Variants in PDE7A observed in about 807,000 individuals in gnomAD.
The protein encoded by PDE7A is high affinity 3',5'-cyclic-AMP phosphodiesterase 7A.
Under a neutral mutation model 64.3 loss-of-function variants are expected in PDE7A, and 39 were observed. The observed-to-expected ratio is 0.61, with a 90% CI of 0.47 to 0.79. The LOEUF is 0.79. Ranked by LOEUF, PDE7A falls within the 30% of genes least tolerant of loss-of-function variation. PDE7A has a pLI of 0.00. For synonymous variants in PDE7A, 203 were observed against 206.8 expected (o/e 0.98, Z 0.16); for missense variants, 470 against 582.8 (o/e 0.81, Z 1.99).
chr8:65,734,046 A>G (rs917815757), intron 7 of PDE7A, among the ~76,000 whole-genome samples: 3 of 152,210 alleles, frequency 2.0e-5, no homozygotes, highest in Non-Finnish European at 4.4e-5. Context: ...TTTCTCTTCT[A>G]TACTTCAGAC....
At chr8:65,840,049 CCTT>C (rs1811042031) in intron 1 of PDE7A, among the ~76,000 whole-genome samples, 1 of 152,114 alleles carries the variant, frequency 6.6e-6, no homozygotes, top group South Asian at 2.1e-4. Context: ...CTATTAAAAA[CCTT>C]CTTCAGCAGT....
At chr8:65,737,259 T>C (rs1807179460) in intron 6 of PDE7A, among the ~76,000 whole-genome samples, 1 of 152,088 alleles carries the variant, frequency 6.6e-6, no homozygotes, top group African/African-American at 2.4e-5. Context: ...AATTCTCTCA[T>C]AAACCTGTTC....
At chr8:65,758,085 A>G (rs965247788) in intron 3 of PDE7A, among the ~76,000 whole-genome samples, 3 of 152,166 alleles carry the variant, frequency 2.0e-5, no homozygotes, top group African/African-American at 7.2e-5. Flanking sequence ...GCTAGTCCAG[A>G]TTGCTGGTTG....
chr8:65,805,079 A>G (rs1384071110), intron 1 of PDE7A, among the ~76,000 whole-genome samples: 1 of 152,118 alleles, frequency 6.6e-6, no homozygotes, highest in Non-Finnish European at 1.5e-5. Flanking sequence ...CCTGGACTCA[A>G]GCAATCCTCC....
At chr8:65,810,603 A>G (rs1310538710) in intron 1 of PDE7A, among the ~76,000 whole-genome samples, 3 of 152,186 alleles carry the variant, frequency 2.0e-5, no homozygotes, top group Non-Finnish European at 4.4e-5. Context: ...TTAACCAAGT[A>G]AAAATCATCC....
intron 1 of PDE7A, among the ~76,000 whole-genome samples, chr8:65,821,909 CAT>C (rs1189151057): frequency 4.3e-4 from 66 of 152,212 alleles, no homozygotes; most frequent in African/African-American, 1.5e-3. Context: ...TAAAATTACA[CAT>C]GTGGCTCACA....
chr8:65,749,450 T>C (rs1807833153), intron 3 of PDE7A, among the ~76,000 whole-genome samples: 1 of 152,188 alleles, frequency 6.6e-6, no homozygotes, highest in Non-Finnish European at 1.5e-5. Flanking sequence ...TCTAAAACAA[T>C]TATGAATCTT....
At chr8:65,839,879 C>G (rs1811037291) in intron 1 of PDE7A, among the ~76,000 whole-genome samples, 2 of 152,156 alleles carry the variant, frequency 1.3e-5, no homozygotes, top group Non-Finnish European at 2.9e-5. Context: ...AGCACAAGAA[C>G]TTTATTCATG....
chr8:65,793,162 C>T (rs1809745865), intron 1 of PDE7A, among the ~76,000 whole-genome samples: 1 of 152,016 alleles, frequency 6.6e-6, no homozygotes, highest in Admixed American at 6.6e-5. Flanking sequence ...ACAAACACAC[C>T]CAGAGATAAA....
intron 3 of PDE7A, among the ~76,000 whole-genome samples, chr8:65,753,572 T>C (rs1367824326): frequency 2.0e-5 from 3 of 149,148 alleles, no homozygotes; most frequent in Admixed American, 2.0e-4. Context: ...TCCTAACATA[T>C]GGTCTATTCA....
At chr8:65,833,970 C>CA (rs981585010) in intron 1 of PDE7A, among the ~76,000 whole-genome samples, 4 of 151,756 alleles carry the variant, frequency 2.6e-5, no homozygotes, top group South Asian at 4.2e-4. Context: ...CAAAACAAAA[C>CA]AAAAAAACAC....
At chr8:65,772,898 C>A (rs1447651903) in intron 3 of PDE7A, among the ~76,000 whole-genome samples, 1 of 152,172 alleles carries the variant, frequency 6.6e-6, no homozygotes, top group African/African-American at 2.4e-5. Context: ...ATCCCAGCTA[C>A]TTGGGAGGCT....
intron 6 of PDE7A, among the ~76,000 whole-genome samples, chr8:65,736,087 T>C (rs1807116877): frequency 6.6e-6 from 1 of 152,172 alleles, no homozygotes; most frequent in Non-Finnish European, 1.5e-5. Context: ...GCGCAATTTA[T>C]AAGTTAGTCA....
chr8:65,777,583 T>C (rs1809296963), intron 3 of PDE7A, among the ~76,000 whole-genome samples: 2 of 152,222 alleles, frequency 1.3e-5, no homozygotes, highest in African/African-American at 4.8e-5. Context: ...CACAACCTTG[T>C]CATGTTGTAG....
At chr8:65,749,081 A>T (rs1162028395) in intron 3 of PDE7A, among the ~76,000 whole-genome samples, 1 of 152,186 alleles carries the variant, frequency 6.6e-6, no homozygotes, top group Non-Finnish European at 1.5e-5. Flanking sequence ...AAGCACATTC[A>T]GTACACTGCC....
chr8:65,769,460 G>GT (rs1450821716), intron 3 of PDE7A, among the ~76,000 whole-genome samples: 1 of 152,150 alleles, frequency 6.6e-6, no homozygotes, highest in Admixed American at 6.5e-5. Flanking sequence ...TTCTTGGCTA[G>GT]AAGAATTCGT....
chr8:65,778,511 A>G (rs1275178116), intron 3 of PDE7A, among the ~76,000 whole-genome samples: 2 of 152,208 alleles, frequency 1.3e-5, no homozygotes, highest in Non-Finnish European at 2.9e-5. Flanking sequence ...ACTGTAGAGC[A>G]CAAGCAAGCC....
At chr8:65,788,232 C>A (rs1809612235) in intron 1 of PDE7A, among the ~76,000 whole-genome samples, 1 of 152,020 alleles carries the variant, frequency 6.6e-6, no homozygotes, top group African/African-American at 2.4e-5. Flanking sequence ...AAAATAATTT[C>A]AAAGAGTATA....
chr8:65,733,201 A>T (rs1806974716), intron 7 of PDE7A, among the ~76,000 whole-genome samples: 2 of 152,184 alleles, frequency 1.3e-5, no homozygotes, highest in African/African-American at 4.8e-5. Flanking sequence ...TCATGTTTTT[A>T]TTAATTTTTG....
Sources: allele counts gnomAD v4.1 joint callset (sites outside exome capture counted in the v4.1 genomes callset), GRCh38; gene constraint gnomAD v4.1.1; transcripts MANE v1.5; gene names NCBI Gene and HGNC (gene_info 2026-07-23, HGNC 2026-07-21).